ZDHHC24: variants seen among roughly 807,000 people sequenced by gnomAD.
The protein encoded by ZDHHC24 is probable palmitoyltransferase ZDHHC24.
Under a neutral mutation model 23.2 loss-of-function variants are expected in ZDHHC24, and 17 were observed. That is an observed-to-expected ratio of 0.73 (90% CI 0.50 to 1.10). The LOEUF is 1.10. Ranked by LOEUF, ZDHHC24 falls within the 50% of genes least tolerant of loss-of-function variation. The pLI is 0.00. For synonymous variants in ZDHHC24, 186 were observed against 194.5 expected (o/e 0.96, Z 0.36); for missense variants, 366 against 393.0 (o/e 0.93, Z 0.58).
At position 66,545,169 on chromosome 11, in the gene ZDHHC24, A is replaced by G. The variant is rs1288835784; in HGVS notation, c.281+554T>C. Among the ~76,000 whole-genome samples, 2 of 152,026 alleles carry G rather than the reference A, an allele frequency of 1.3e-5. No individual in the cohort carries two copies. Among genetic ancestry groups the G allele is most frequent in the Non-Finnish European group, 2.9e-5 (2 of 68,006 alleles). On this transcript the variant is annotated intron_variant, in intron 1 of 2. Coordinates refer to ENST00000310442, the MANE Select transcript of ZDHHC24 (RefSeq NM_207340.3). This position sits in a 1 kb window ranked among gnomAD's most constrained non-coding sequence, Gnocchi z 4.5. ...ATTCTCTTGCCTCAGCCTCCCCAGT[A>G]GCTGAGATTACAGGCACGTGCCGCC...
chr11:66,523,126 T>TAGTCCAGCC, intron 4 of ZDHHC24: 1 of 494,006 alleles, frequency 2.0e-6, no homozygotes, highest in Admixed American at 2.3e-5. Flanking sequence ...TTGTCCTGGC[T>TAGTCCAGCC]AGTCCAGCCA....
At chr11:66,543,379 C>T (rs1857207132) in intron 2 of ZDHHC24, among the ~76,000 whole-genome samples, 1 of 152,162 alleles carries the variant, frequency 6.6e-6, no homozygotes, top group South Asian at 2.1e-4. Flanking sequence ...CTCTCCAAGC[C>T]TTTGTTCCTA....
chr11:66,543,353 C>CA (rs1857206452), intron 2 of ZDHHC24, among the ~76,000 whole-genome samples: 2 of 152,162 alleles, frequency 1.3e-5, no homozygotes, highest in Admixed American at 6.5e-5. Flanking sequence ...CCTTAATTCT[C>CA]ACAATTCCCT....
At chr11:66,528,837 G>A (rs771788366) in intron 3 of ZDHHC24, among the ~76,000 whole-genome samples, 13 of 151,918 alleles carry the variant, frequency 8.6e-5, no homozygotes, top group Admixed American at 3.3e-4. Flanking sequence ...GCTTGGCGGC[G>A]CGTGCCTGTA....
Position 66,546,010 on chromosome 11 carries a change from G to C in ZDHHC24, c.-7C>G. On this transcript the variant is annotated 5_prime_UTR_variant, in exon 1 of 3. Coordinates refer to ENST00000310442, the MANE Select transcript of ZDHHC24 (RefSeq NM_207340.3). ...CCGCCCAGGGCTGCCCCATGGCCTG[G>C]ACACCCAGCTGTCGGAGCCGGAGGA... is the stretch of plus-strand genomic sequence containing the variant. 1 of 1,386,322 alleles carries C rather than the reference G, an allele frequency of 7.2e-7. No individual in the cohort carries two copies. Among genetic ancestry groups the C allele is most frequent in the South Asian group, 1.6e-5 (1 of 61,130 alleles). The allele number at this position is 1,386,322 out of a possible 1,614,324, so 85.9% of individuals were successfully genotyped here.
intron 4 of ZDHHC24, among the ~76,000 whole-genome samples, chr11:66,521,969 A>T (rs868830707): frequency 6.7e-6 from 1 of 149,370 alleles, no homozygotes; most frequent in Admixed American, 6.7e-5. Context: ...CTGTAATCCC[A>T]GCACTTTGGA....
chr11:66,539,422 T>C lies in ZDHHC24; in HGVS notation c.*107A>G. On this transcript the variant is annotated 3_prime_UTR_variant, in exon 3 of 3. Transcript: ENST00000310442. ...GGGCAAGGCCAAGGAAGGGGTGGAG[T>C]TGTCCAATGCAGATGTTAAGGTCCA... is the stretch of plus-strand genomic sequence containing the variant. The C allele has an allele frequency of 7.2e-7, 1 of 1,379,378 alleles. No individual in the cohort carries two copies. 85.4% of individuals were successfully genotyped at this position (1,379,378 alleles called of 1,614,324 possible). A position where few individuals can be genotyped will look rare whatever the true frequency, so the allele number is the denominator to read the frequency against.
chr11:66,539,300 G>T lies in ZDHHC24; in HGVS notation c.*229C>A. On this transcript the variant is annotated 3_prime_UTR_variant, in exon 3 of 3. Coordinates refer to ENST00000310442, the MANE Select transcript of ZDHHC24 (RefSeq NM_207340.3). ...GCTTTATTAACCTGGCAAAGGGGCA[G>T]CTAGGCGGCCTGAGCAGCCCCTGCC... 8.0e-7 allele frequency: 1 copy of T among 1,252,780 alleles called. No individual in the cohort carries two copies. Among genetic ancestry groups the T allele is most frequent in the Non-Finnish European group, 1.0e-6 (1 of 1,000,926 alleles). 77.6% of individuals were successfully genotyped at this position (1,252,780 alleles called of 1,614,324 possible). A position where few individuals can be genotyped will look rare whatever the true frequency, so the allele number is the denominator to read the frequency against.
chr11:66,544,666 C>G (rs1016163247), intron 1 of ZDHHC24, among the ~76,000 whole-genome samples: 1 of 152,120 alleles, frequency 6.6e-6, no homozygotes, highest in Non-Finnish European at 1.5e-5. Context: ...GCCTCCTTCT[C>G]TATGAGGTCT....
exon 4 of ZDHHC24, chr11:66,526,981 A>G: frequency 6.5e-7 from 1 of 1,544,496 alleles, no homozygotes; most frequent in East Asian, 2.4e-5. Context: ...TTGCCTGCAA[A>G]TCACTGTTCC....
intron 4 of ZDHHC24, chr11:66,524,094 A>G: frequency 1.6e-6 from 1 of 640,410 alleles, no homozygotes; most frequent in East Asian, 3.0e-5. Context: ...AGCCTAGCCA[A>G]CATGGCATAA....
At chr11:66,532,190 G>A, downstream of ZDHHC24, 2 of 798,296 alleles carry the variant, frequency 2.5e-6, no homozygotes, top group Admixed American at 2.5e-5. Flanking sequence ...CCCCACTGTT[G>A]GGCCTATAGT....
chr11:66,525,264 C>T (rs1195555857), intron 4 of ZDHHC24, among the ~76,000 whole-genome samples: 1 of 150,496 alleles, frequency 6.6e-6, no homozygotes, highest in African/African-American at 2.5e-5. Flanking sequence ...GAGGCTGAGG[C>T]AGAAGAATCA....
In ZDHHC24 at chr11:66,523,526, G is replaced by A. The variant is rs1037134217; in HGVS notation, c.*22-2060C>T. 8 of 1,613,978 alleles carry A rather than the reference G, an allele frequency of 5.0e-6. No individual in the cohort carries two copies. The African/African-American group carries it at 9.3e-5, about 19-fold the overall frequency. ...TGTGGGACTTATCCGGGTACACAAG[G>A]TCCTAGTGGTGGGCAGCACCCAAGA... On this transcript the variant is annotated intron_variant, in intron 4 of 4. Coordinates refer to the ZDHHC24 transcript ENST00000526986.
At chr11:66,522,881 T>C in intron 4 of ZDHHC24, 1 of 345,248 alleles carries the variant, frequency 2.9e-6, no homozygotes, top group South Asian at 2.3e-5. Context: ...CAGGAACACC[T>C]CTCTGTGGAG....
intron 4 of ZDHHC24, chr11:66,525,975 AAT>A (rs1856470710): frequency 1.4e-6 from 1 of 712,530 alleles, no homozygotes; most frequent in African/African-American, 1.8e-5. Flanking sequence ...GGAGATGAGA[AAT>A]ATAGGAAATA....
intron 4 of ZDHHC24, chr11:66,523,679 C>T: frequency 6.2e-7 from 1 of 1,610,082 alleles, no homozygotes; most frequent in Middle Eastern, 1.7e-4. Context: ...GTTCTTTCCA[C>T]TGTAAGCCCT....
rs1856949444 is a variant in ZDHHC24, at chr11:66,535,865, C to T, written c.*3664G>A. The T allele has an allele frequency of 6.6e-6, 1 of 152,136 alleles. No individual in the cohort carries two copies. The highest frequency in any genetic ancestry group is 1.5e-5 in the Non-Finnish European group (1 of 68,044). 9.4% of individuals were successfully genotyped at this position (152,136 alleles called of 1,614,324 possible). A position where few individuals can be genotyped will look rare whatever the true frequency, so the allele number is the denominator to read the frequency against. ...AGTTTAGGAGATGATTCCCAAAGGGCACAGGGGCAGAAAAATGACCAGTGG... is the reference window on the plus strand; with the variant it reads ...AGTTTAGGAGATGATTCCCAAAGGGTACAGGGGCAGAAAAATGACCAGTGG... On this transcript the variant is annotated 3_prime_UTR_variant, in exon 3 of 3. Transcript: ENST00000310442.
At chr11:66,533,139 G>A (rs1268865066), downstream of ZDHHC24, 1 of 152,248 alleles carries the variant, frequency 6.6e-6, no homozygotes, top group South Asian at 2.1e-4. Context: ...CATGAGGACA[G>A]TAAGTGTTCA....
Sources: gnomAD v4.1 joint callset for allele counts (sites outside exome capture counted in the v4.1 genomes callset) on GRCh38, gnomAD v4.1.1 for gene constraint, Gnocchi (gnomAD v3.1) non-coding constraint, MANE v1.5 for transcripts, NCBI Gene and HGNC (gene_info 2026-07-23, HGNC 2026-07-21) for gene names.